The following SMIM35 variants were observed in gnomAD, a reference collection of about 807,000 sequenced individuals.
The protein encoded by SMIM35 is small integral membrane protein 35.
At chr11:118,078,481 G>C (rs149403669) in intron 1 of SMIM35, among the ~76,000 whole-genome samples, 1 of 152,206 alleles carries the variant, frequency 6.6e-6, no homozygotes, top group South Asian at 2.1e-4. Flanking sequence ...TTCTTAGTGC[G>C]GTTGTAGCTG....
intron 1 of SMIM35, among the ~76,000 whole-genome samples, chr11:118,078,994 G>A (rs1944917185): frequency 6.6e-6 from 1 of 152,130 alleles, no homozygotes; most frequent in Admixed American, 6.5e-5. Flanking sequence ...AATGACAGCT[G>A]GGTAGTACAC....
intron 1 of SMIM35, among the ~76,000 whole-genome samples, 164 bp downstream of exon 1, chr11:118,086,587 T>A (rs1945572436): frequency 6.6e-6 from 1 of 151,988 alleles, no homozygotes; most frequent in Non-Finnish European, 1.5e-5. Flanking sequence ...AGAGACAGAG[T>A]AACAGGTGCG....
intron 3 of SMIM35, among the ~76,000 whole-genome samples, 195 bp from the exon 4 acceptor site, chr11:118,014,075 C>T (rs1279086579): frequency 6.6e-6 from 1 of 152,154 alleles, no homozygotes; most frequent in Non-Finnish European, 1.5e-5. Context: ...ATGACCAACG[C>T]CAAGAGGACT....
intron 1 of SMIM35, among the ~76,000 whole-genome samples, chr11:118,081,584 G>A (rs1374951238): frequency 1.3e-5 from 2 of 152,248 alleles, no homozygotes; most frequent in Non-Finnish European, 2.9e-5. Context: ...TGAGAGACAT[G>A]ATGGCCCCTG....
At chr11:118,031,935 C>T (rs1298905107) in intron 1 of SMIM35, 3 of 151,542 alleles carry the variant, frequency 2.0e-5, no homozygotes, top group Non-Finnish European at 2.9e-5. Flanking sequence ...GCCAGGAGTC[C>T]GAGACCAGCC....
At chr11:118,039,119 A>G (rs1296241951) in intron 1 of SMIM35, among the ~76,000 whole-genome samples, 1 of 152,214 alleles carries the variant, frequency 6.6e-6, no homozygotes, top group African/African-American at 2.4e-5. Context: ...TGCCCTTTCT[A>G]AAACAACTCT....
At position 118,049,585 on chromosome 11, in the gene SMIM35, G is replaced by A. The variant is rs1477473857; in HGVS notation, c.8-33776C>T. Among the ~76,000 whole-genome samples the A allele has an allele frequency of 2.0e-5, 3 of 151,974 alleles. No individual in the cohort carries two copies. The East Asian group carries it at 5.8e-4, about 29-fold the overall frequency. On this transcript the variant is annotated intron_variant, in intron 1 of 4. Coordinates refer to ENST00000689828, the MANE Select transcript of SMIM35 (RefSeq NM_001394165.1). ...GCTGGTCTCGAACTCCTGACCTCAGGTGACCCACCCACCTCGGCCTCCCAA... is the reference window on the plus strand; with the variant it reads ...GCTGGTCTCGAACTCCTGACCTCAGATGACCCACCCACCTCGGCCTCCCAA...
chr11:118,065,422 C>G (rs1944457548), intron 1 of SMIM35, among the ~76,000 whole-genome samples: 1 of 152,172 alleles, frequency 6.6e-6, no homozygotes, highest in Non-Finnish European at 1.5e-5. Context: ...GAACCTAAGG[C>G]CAATTCATAC....
chr11:118,062,076 T>A lies in SMIM35; in HGVS notation c.7+24675A>T, dbSNP rs114642041. 2.3e-3 allele frequency among the ~76,000 whole-genome samples: 346 copies of A among 152,288 alleles called. 4 individuals carry two copies. Among genetic ancestry groups the A allele is most frequent in the African/African-American group, 7.8e-3 (325 of 41,574 alleles). On this transcript the variant is annotated intron_variant, in intron 1 of 4. Coordinates refer to ENST00000689828, the MANE Select transcript of SMIM35 (RefSeq NM_001394165.1). ...CAGGTGCAGTGGCTCATCCTTGTAATCCCATCCCTTTAGGAGGCCAAGGCA... is the reference window on the plus strand; with the variant it reads ...CAGGTGCAGTGGCTCATCCTTGTAAACCCATCCCTTTAGGAGGCCAAGGCA...
At chr11:118,009,118 A>G (rs567296604) in intron 4 of SMIM35, among the ~76,000 whole-genome samples, 10 of 152,276 alleles carry the variant, frequency 6.6e-5, no homozygotes, top group African/African-American at 2.4e-4. Flanking sequence ...TAAAAAAACA[A>G]AAGGAAGAAA....
chr11:118,073,402 C>G (rs553614913), intron 1 of SMIM35, among the ~76,000 whole-genome samples: 1 of 152,350 alleles, frequency 6.6e-6, no homozygotes, highest in South Asian at 2.1e-4. Context: ...GCCACTAGAG[C>G]TCAAGCTCTT....
chr11:118,028,719 G>T (rs149937973), intron 1 of SMIM35: 1 of 397,426 alleles, frequency 2.5e-6, no homozygotes, highest in Non-Finnish European at 5.0e-6. Context: ...ACAAAGTAAG[G>T]TCAAGGGGTA....
At chr11:118,018,608 G>A (rs1426020141) in intron 1 of SMIM35, among the ~76,000 whole-genome samples, 4 of 152,194 alleles carry the variant, frequency 2.6e-5, no homozygotes, top group Admixed American at 2.6e-4. Context: ...GGAAGCTGGG[G>A]TTTGAAGGGT....
At chr11:118,016,698 T>A (rs774890623) in intron 1 of SMIM35, among the ~76,000 whole-genome samples, 11 of 152,150 alleles carry the variant, frequency 7.2e-5, no homozygotes, top group Non-Finnish European at 1.6e-4. Flanking sequence ...CACACACAAG[T>A]CCCTTTACCT....
At chr11:118,051,799 C>G (rs917823526) in intron 1 of SMIM35, among the ~76,000 whole-genome samples, 2 of 150,722 alleles carry the variant, frequency 1.3e-5, no homozygotes, top group Non-Finnish European at 2.9e-5. Context: ...TACTGGTGCC[C>G]CAGCAGGGCA....
Position 118,005,293 on chromosome 11 carries a change from C to T in SMIM35, c.*1117G>A, listed in dbSNP as rs1044034446. 1 of 152,204 alleles carries T rather than the reference C, an allele frequency of 6.6e-6. No individual in the cohort carries two copies. Among genetic ancestry groups the T allele is most frequent in the African/African-American group, 2.4e-5 (1 of 41,440 alleles). The allele number at this position is 152,204 out of a possible 1,614,324, so 9.4% of individuals were successfully genotyped here. ...CCACATTGCAGGTGATTCCAGCACA[C>T]ACTGAGTCACCTCTTTAAGGAACAA... On this transcript the variant is annotated 3_prime_UTR_variant, in exon 5 of 5. Coordinates refer to ENST00000689828, the MANE Select transcript of SMIM35 (RefSeq NM_001394165.1).
At chr11:118,045,330 GCACACACA>G (rs34102097) in intron 1 of SMIM35, among the ~76,000 whole-genome samples, 2 of 146,014 alleles carry the variant, frequency 1.4e-5, no homozygotes, top group South Asian at 2.2e-4. Flanking sequence ...ATACACACAT[GCACACACA>G]CACACACACA....
intron 1 of SMIM35, among the ~76,000 whole-genome samples, chr11:118,040,252 C>T (rs576698113): frequency 1.3e-5 from 2 of 151,964 alleles, no homozygotes; most frequent in Non-Finnish European, 2.9e-5. Context: ...CATCCAGAAG[C>T]TAAATGATCT....
intron 1 of SMIM35, among the ~76,000 whole-genome samples, chr11:118,022,906 A>C (rs2058243818): frequency 6.6e-6 from 1 of 151,374 alleles, no homozygotes; most frequent in Non-Finnish European, 1.5e-5. Context: ...TTAGCCTTAG[A>C]CTGTTCAGCC....
Sources: allele counts gnomAD v4.1 joint callset (sites outside exome capture counted in the v4.1 genomes callset), GRCh38; gene constraint gnomAD v4.1.1; transcripts MANE v1.5; gene names NCBI Gene and HGNC (gene_info 2026-07-23, HGNC 2026-07-21).